Variants in IPCEF1 observed in about 807,000 individuals in gnomAD.
The protein encoded by IPCEF1 is interactor protein for cytohesin exchange factors 1.
Under a neutral mutation model 50.9 loss-of-function variants are expected in IPCEF1, and 31 were observed. The ratio of observed to expected loss-of-function variants is 0.61; its 90% CI spans 0.46 to 0.82. The LOEUF is 0.82. IPCEF1 is among the 40% of genes least tolerant of loss of function. The probability of loss-of-function intolerance (pLI) is 0.00; values close to 1 mark genes in which losing one functional copy is unlikely to be tolerated. For missense variants in IPCEF1, 458 were observed against 514.0 expected, an observed-to-expected ratio of 0.89 and a Z score of 1.05; for synonymous variants, 181 against 192.0, an observed-to-expected ratio of 0.94 and a Z score of 0.47.
At chr6:154,312,598 A>C (rs1262985597) in intron 1 of IPCEF1, among the ~76,000 whole-genome samples, 1 of 152,022 alleles carries the variant, frequency 6.6e-6, no homozygotes, top group Non-Finnish European at 1.5e-5. Flanking sequence ...CGCCCGCCTC[A>C]GCCTCCCAAA....
intron 10 of IPCEF1, among the ~76,000 whole-genome samples, chr6:154,178,641 C>A (rs1214409810): frequency 6.6e-6 from 1 of 152,054 alleles, no homozygotes; most frequent in East Asian, 1.9e-4. Context: ...GGTAACCAGA[C>A]ATGAAAACAG....
intron 5 of IPCEF1, among the ~76,000 whole-genome samples, chr6:154,226,074 T>C (rs1779227851): frequency 6.6e-6 from 1 of 152,126 alleles, no homozygotes; most frequent in Non-Finnish European, 1.5e-5. Flanking sequence ...CTTTCAGGGG[T>C]CTTGTTCTCC....
chr6:154,250,557 G>A (rs1014515890), intron 3 of IPCEF1, among the ~76,000 whole-genome samples: 36 of 151,994 alleles, frequency 2.4e-4, no homozygotes, highest in African/African-American at 8.2e-4. Flanking sequence ...ATTTGGCCAC[G>A]AATCACTCAA....
At chr6:154,347,983 C>A (rs1361506306) in intron 1 of IPCEF1, among the ~76,000 whole-genome samples, 1 of 152,084 alleles carries the variant, frequency 6.6e-6, no homozygotes, top group Non-Finnish European at 1.5e-5. Context: ...ACAGCTAATG[C>A]CAACTTGAAA....
intron 5 of IPCEF1, among the ~76,000 whole-genome samples, chr6:154,243,307 G>T (rs183798745): frequency 6.6e-6 from 1 of 152,184 alleles, no homozygotes; most frequent in African/African-American, 2.4e-5. Flanking sequence ...GGATTTCTAC[G>T]GCTGTTAAAC....
chr6:154,180,414 A>ATATATATATATATTTT (rs1241250621), intron 10 of IPCEF1, among the ~76,000 whole-genome samples: 3 of 65,268 alleles, frequency 4.6e-5, no homozygotes, highest in African/African-American at 9.6e-5. Flanking sequence ...ATATATATAT[A>ATATATATATATATTTT]TTTTTTTTTT....
intron 10 of IPCEF1, among the ~76,000 whole-genome samples, chr6:154,176,285 C>T (rs1800321312): frequency 6.6e-6 from 1 of 152,198 alleles, no homozygotes; most frequent in African/African-American, 2.4e-5. Flanking sequence ...CCCTCTCTCA[C>T]CACTCCCATT....
rs1307850523 is a variant in IPCEF1 at position 154,296,032 on chromosome 6, C to T, written c.-61-6276G>A. Among the ~76,000 whole-genome samples, 4 of 152,146 alleles carry T rather than the reference C, an allele frequency of 2.6e-5. 1 individual carries two copies. In the South Asian group the frequency reaches 8.3e-4, roughly 32 times the overall value. On this transcript the variant is annotated intron_variant, in intron 1 of 11. Coordinates refer to ENST00000367220, the MANE Select transcript of IPCEF1 (RefSeq NM_001130700.2). ...CAAAATATTAGTCCCAAATTATTAGCTATATGAAGGAGCTGACAGCTACTA... is the reference window on the plus strand; with the variant it reads ...CAAAATATTAGTCCCAAATTATTAGTTATATGAAGGAGCTGACAGCTACTA...
In IPCEF1 at chr6:154,155,485, G is replaced by C. The variant is rs189763808; in HGVS notation, c.*4343C>G. On this transcript the variant is annotated 3_prime_UTR_variant, in exon 12 of 12. Coordinates refer to ENST00000367220, the MANE Select transcript of IPCEF1 (RefSeq NM_001130700.2). ...TACTTAACATTACTCATTAAATCAT[G>C]TATGTGGCTATATCAAAATACTGTC... 1 of 152,286 alleles carries C rather than the reference G, an allele frequency of 6.6e-6. No individual in the cohort carries two copies. Among genetic ancestry groups the C allele is most frequent in the Admixed American group, 6.5e-5 (1 of 15,294 alleles). 9.4% of individuals were successfully genotyped at this position (152,286 alleles called of 1,614,324 possible).
intron 3 of IPCEF1, among the ~76,000 whole-genome samples, chr6:154,265,287 T>G (rs934364159): frequency 2.1e-5 from 3 of 143,574 alleles, no homozygotes; most frequent in Non-Finnish European, 4.6e-5. Context: ...TATTATTATG[T>G]TTTTTTTTTT....
chr6:154,186,847 C>A (rs1003406381), intron 10 of IPCEF1, among the ~76,000 whole-genome samples: 9 of 152,108 alleles, frequency 5.9e-5, no homozygotes, highest in Non-Finnish European at 1.3e-4. Context: ...TGAGCCACCA[C>A]GCCCGGCCCA....
chr6:154,187,399 T>C (rs900936705), intron 10 of IPCEF1, among the ~76,000 whole-genome samples: 2 of 152,230 alleles, frequency 1.3e-5, no homozygotes, highest in Non-Finnish European at 2.9e-5. Context: ...GGGCTGTTTA[T>C]TTTGGCTTTC....
Position 154,199,828 on chromosome 6 carries a change from G to A in IPCEF1, c.750C>T (p.Pro250=), listed in dbSNP as rs777570232. Residue 250 remains proline (P), a synonymous_variant, in exon 10 of 12, where the codon CCC becomes CCT. Coordinates refer to ENST00000367220, the MANE Select transcript of IPCEF1 (RefSeq NM_001130700.2). ...TFAVQVHSPV[P]SEAGIHKALE... is the part of the protein sequence containing the mutation. ...GGGCCTTGTGGATGCCTGCCTCTGA[G>A]GGTACAGGTGAATGAACTTGCACAG... 3 of 1,614,186 alleles carry A rather than the reference G, an allele frequency of 1.9e-6. No individual in the cohort carries two copies. In the South Asian group the frequency reaches 3.3e-5, roughly 18 times the overall value.
intron 2 of IPCEF1, among the ~76,000 whole-genome samples, chr6:154,273,394 G>T (rs1418094957): frequency 6.6e-6 from 1 of 152,208 alleles, no homozygotes; most frequent in African/African-American, 2.4e-5. Flanking sequence ...GACAAGCACT[G>T]TTTATAAGCG....
intron 1 of IPCEF1, among the ~76,000 whole-genome samples, chr6:154,302,293 G>A (rs1176243399): frequency 2.6e-5 from 4 of 152,142 alleles, no homozygotes; most frequent in African/African-American, 9.7e-5. Context: ...CGCTCACTTC[G>A]AGAGGCAGCA....
chr6:154,263,188 A>G (rs1444846023), intron 3 of IPCEF1, among the ~76,000 whole-genome samples: 1 of 150,100 alleles, frequency 6.7e-6, no homozygotes, highest in Non-Finnish European at 1.5e-5. Context: ...TTTGCATTAA[A>G]TCTTGACCAC....
intron 10 of IPCEF1, 51 bp downstream of exon 10, chr6:154,199,617 T>C (rs543049706): frequency 2.7e-6 from 4 of 1,494,430 alleles, no homozygotes; most frequent in Non-Finnish European, 3.6e-6. Flanking sequence ...CAGTTCCATA[T>C]ACAAACAAAT....
chr6:154,310,711 G>A (rs1353439995), intron 1 of IPCEF1, among the ~76,000 whole-genome samples: 1 of 152,154 alleles, frequency 6.6e-6, no homozygotes, highest in Non-Finnish European at 1.5e-5. Context: ...AACATGGATG[G>A]AATTGAAGGA....
intron 3 of IPCEF1, among the ~76,000 whole-genome samples, chr6:154,259,345 C>A (rs62433246): frequency 0.13 from 19,308 of 152,226 alleles, 1,415 homozygotes; most frequent in Non-Finnish European, 0.17. Flanking sequence ...TACTGAGAAT[C>A]TGGAATCAAA....
Sources: gnomAD v4.1 joint callset for allele counts (sites outside exome capture counted in the v4.1 genomes callset) on GRCh38, gnomAD v4.1.1 for gene constraint, MANE v1.5 for transcripts, NCBI Gene and HGNC (gene_info 2026-07-23, HGNC 2026-07-21) for gene names.